Variants in A1BG observed in about 807,000 individuals in gnomAD.
The protein encoded by A1BG is alpha-1B-glycoprotein.
In A1BG, 44 loss-of-function variants were observed where a neutral mutation model predicts 46.0. That is an observed-to-expected ratio of 0.96 (90% confidence interval 0.75 to 1.23). The LOEUF (loss-of-function observed/expected upper bound fraction) is 1.23. Among genes scored for constraint, A1BG ranks in the 50% most tolerant of loss-of-function variants. A1BG has a pLI of 0.00. For missense variants in A1BG, 707 were observed against 688.8 expected (o/e 1.03, Z -0.30); for synonymous variants, 316 against 314.7 (o/e 1.00, Z -0.04).
chr19:58,346,975 C>T lies in A1BG; in HGVS notation c.*47G>A, dbSNP rs1417846384. On this transcript the variant is annotated 3_prime_UTR_variant, in exon 8 of 8. Transcript: ENST00000263100. ...GAGGGGAGGGAGCCAGTCCAGAATC[C>T]CCGGCACTTCTGAGGACACCAACAG... 2 of 1,612,366 alleles carry T rather than the reference C, an allele frequency of 1.2e-6. No homozygotes were observed. Among genetic ancestry groups the T allele is most frequent in the Non-Finnish European group, 1.7e-6 (2 of 1,178,466 alleles).
chr19:58,352,242 C>T (rs1206483856), intron 4 of A1BG, 41 bp downstream of exon 4: 18 of 1,602,488 alleles, frequency 1.1e-5, no homozygotes, highest in Admixed American at 8.4e-5. Flanking sequence ...CCCCTGTATC[C>T]TCCTCCCCCA....
intron 6 of A1BG, among the ~76,000 whole-genome samples, chr19:58,348,040 A>G (rs948265217): frequency 3.9e-5 from 6 of 152,254 alleles, no homozygotes; most frequent in African/African-American, 1.2e-4. Flanking sequence ...TTTTCCCTCC[A>G]TAAGTTTAAC....
Position 58,347,587 on chromosome 19 carries a change from C to G in A1BG, c.1246G>C (p.Gly416Arg), listed in dbSNP as rs761742979. 1.1e-5 allele frequency: 16 copies of G among 1,512,070 alleles called. No individual in the cohort carries two copies. In the East Asian group the frequency reaches 4.0e-4, roughly 37 times the overall value. The allele number at this position is 1,512,070 out of a possible 1,614,324, so 93.7% of individuals were successfully genotyped here. The change falls in exon 7 of 8, where the codon GGC becomes CGC. Residue 416 changes from glycine to arginine, a missense_variant. Coordinates refer to ENST00000263100, the MANE Select transcript of A1BG (RefSeq NM_130786.4). The stretch of plus-strand genomic sequence containing the variant: ...TCGCAGCGCAGGACGGCATCTCGGC[C>G]CGCCAGGACCGCCCCACTCCACGTC... Reference protein sequence around the residue: ...RATWSGAVLAGRDAVLRCEGP... With the variant: ...RATWSGAVLARRDAVLRCEGP...
rs1202293049 is a variant in A1BG, at chr19:58,353,138, T to C, written c.130A>G (p.Asn44Asp). The C allele has an allele frequency of 6.2e-7, 1 of 1,614,136 alleles. No individual in the cohort carries two copies. Among genetic ancestry groups the C allele is most frequent in the Non-Finnish European group, 8.5e-7 (1 of 1,180,018 alleles). ...TGGGCCTGGCACGTCAGCGTCACAT[T>C]GGCCAAGGGTTTCAGCAGTGATTCG... ...ESESLLKPLANVTLTCQAHLE... is the reference protein window; with the variant it reads ...ESESLLKPLADVTLTCQAHLE... Residue 44 changes from asparagine (N) to aspartate (D), a missense_variant, in exon 3 of 8, where the codon AAT becomes GAT. By Grantham distance (23) the Asn-to-Asp change is conservative. Coordinates refer to ENST00000263100, the MANE Select transcript of A1BG (RefSeq NM_130786.4).
intron 7 of A1BG, 115 bp downstream of exon 7, chr19:58,347,238 A>C (rs1181201383): frequency 9.0e-6 from 12 of 1,338,758 alleles, no homozygotes; most frequent in Middle Eastern, 2.1e-4. Context: ...GGGGAGACCC[A>C]GCGCTAACCA....
intron 3 of A1BG, 144 bp from the exon 4 acceptor site, chr19:58,352,699 G>GA: frequency 8.2e-7 from 1 of 1,225,956 alleles, no homozygotes; most frequent in South Asian, 1.4e-5. Flanking sequence ...GGCACCAGTG[G>GA]AAACAAGGCA....
rs770203307 is a variant in A1BG, at chr19:58,353,059, A to C, written c.209T>G (p.Val70Gly). The change falls in exon 3 of 8, where the codon GTG becomes GGG. Residue 70 changes from valine (V) to glycine (G), a missense_variant. Coordinates refer to ENST00000263100, the MANE Select transcript of A1BG (RefSeq NM_130786.4). Reference sequence around the variant, plus strand: ...CTTGATGGCAGGTGAGTCAAGGTGCACAGGCTCCTGGGCCACCCCATTCTT... The same window carrying C: ...CTTGATGGCAGGTGAGTCAAGGTGCCCAGGCTCCTGGGCCACCCCATTCTT... ...LFKNGVAQEPVHLDSPAIKHQ... is the reference protein window; with the variant it reads ...LFKNGVAQEPGHLDSPAIKHQ... The C allele has an allele frequency of 6.2e-7, 1 of 1,614,160 alleles. No homozygotes were observed. The highest frequency in any genetic ancestry group is 8.5e-7 in the Non-Finnish European group (1 of 1,180,014).
In A1BG at chr19:58,347,508, G is replaced by A. The variant is rs2051922421; in HGVS notation, c.1325C>T (p.Ala442Val). ...CCCGGGGGTGCGGACCGTCTTCACG[G>A]CCTTCGTCTCGCCCTCGCGCAGCAG... ...FELLREGETKAVKTVRTPGAA... is the reference protein window; with the variant it reads ...FELLREGETKVVKTVRTPGAA... The change falls in exon 7 of 8, where the codon GCC becomes GTC. Residue 442 changes from alanine to valine, a missense_variant. Coordinates refer to ENST00000263100, the MANE Select transcript of A1BG (RefSeq NM_130786.4). The A allele has an allele frequency of 6.3e-7, 1 of 1,588,698 alleles. No individual in the cohort carries two copies. The highest frequency in any genetic ancestry group is 8.6e-7 in the Non-Finnish European group (1 of 1,166,626).
At chr19:58,350,207 G>T (rs1319581334) in intron 6 of A1BG, 163 bp downstream of exon 6, 21 of 934,172 alleles carry the variant, frequency 2.2e-5, no homozygotes, top group Admixed American at 3.1e-5. Context: ...GGCGTCCCCA[G>T]ACCCTCGACC....
chr19:58,347,668 C>T, intron 6 of A1BG, 28 bp from the exon 7 acceptor site: 1 of 1,374,274 alleles, frequency 7.3e-7, no homozygotes, highest in South Asian at 1.6e-5. Flanking sequence ...GTGGTCGGGC[C>T]AGGCCACGCC....
At position 58,353,114 on chromosome 19, in the gene A1BG, G is replaced by A. The variant is rs144181716; in HGVS notation, c.154C>T (p.His52Tyr). The A allele has an allele frequency of 7.6e-5, 123 of 1,613,920 alleles. No homozygotes were observed. The highest frequency in any genetic ancestry group is 9.9e-5 in the South Asian group (9 of 91,084). The change falls in exon 3 of 8, where the codon CAC (histidine) becomes TAC (tyrosine). Residue 52 changes from histidine (H) to tyrosine (Y), a missense_variant. Transcript: ENST00000263100. The stretch of plus-strand genomic sequence containing the variant: ...AGCTGGAAGTCTGGAGTCTCCAGGT[G>A]GGCCTGGCACGTCAGCGTCACATTG... Reference protein sequence around the residue: ...LANVTLTCQAHLETPDFQLFK... With the variant: ...LANVTLTCQAYLETPDFQLFK...
At chr19:58,351,367 C>T (rs756458167) in intron 5 of A1BG, 24 bp downstream of exon 5, 5 of 1,603,696 alleles carry the variant, frequency 3.1e-6, no homozygotes, top group Non-Finnish European at 8.5e-7. Context: ...AGCCGCGTCC[C>T]TGTCCCTGCT....
At chr19:58,353,250 C>CCG (rs1427557624) in intron 2 of A1BG, 42 bp downstream of exon 2, 2 of 1,613,754 alleles carry the variant, frequency 1.2e-6, no homozygotes, top group African/African-American at 1.3e-5. Context: ...GGCTCCCCCC[C>CCG]GGCCTGGGCC....
chr19:58,353,491 A>G lies in A1BG; in HGVS notation c.-54T>C. 6.6e-7 allele frequency: 1 copy of G among 1,517,230 alleles called. No individual in the cohort carries two copies. The highest frequency in any genetic ancestry group is 1.2e-5 in the South Asian group (1 of 83,914). The allele number at this position is 1,517,230 out of a possible 1,614,324, so 94.0% of individuals were successfully genotyped here. On this transcript the variant is annotated 5_prime_UTR_variant, in exon 1 of 8. Coordinates refer to ENST00000263100, the MANE Select transcript of A1BG (RefSeq NM_130786.4). ...GTGTCTGGGGTGAGCGTCTGCAGCA[A>G]TGAGGCCCCAAGGGAGGGCGGTGGG...
In A1BG at chr19:58,347,599, C is replaced by A; in HGVS notation, c.1234G>T (p.Ala412Ser). ...ACGGCATCTCGGCCCGCCAGGACCG[C>A]CCCACTCCACGTCGCCCGGAGCTGA... ...RPQLRATWSG[A>S]VLAGRDAVLR... Residue 412 changes from alanine to serine, a missense_variant, in exon 7 of 8, where the codon GCG (alanine) becomes TCG (serine). By Grantham distance (99) the Ala-to-Ser change is moderately conservative. Transcript: ENST00000263100. The A allele has an allele frequency of 6.7e-7, 1 of 1,498,982 alleles. No individual in the cohort carries two copies. The highest frequency in any genetic ancestry group is 8.9e-7 in the Non-Finnish European group (1 of 1,129,480). 92.9% of individuals were successfully genotyped at this position (1,498,982 alleles called of 1,614,324 possible). A position where few individuals can be genotyped will look rare whatever the true frequency, so the allele number is the denominator to read the frequency against.
chr19:58,352,888 A>C (rs1177341170), intron 3 of A1BG, 40 bp downstream of exon 3: 1 of 1,583,992 alleles, frequency 6.3e-7, no homozygotes, highest in African/African-American at 1.3e-5. Flanking sequence ...TCAACAACCT[A>C]CCCACTGCCT....
rs747606542 is a variant in A1BG, at chr19:58,352,981, C to A, written c.287G>T (p.Gly96Val). The change falls in exon 3 of 8, where the codon GGC (glycine) becomes GTC (valine). Residue 96 changes from glycine to valine, a missense_variant. Gly to Val is a moderately radical substitution (Grantham distance 109). Transcript: ENST00000263100. Reference protein sequence around the residue: ...DTQGRYRCRSGLSTGWTQLSK... With the variant: ...DTQGRYRCRSVLSTGWTQLSK... ...CAGCTGGGTCCATCCTGTGGACAAGCCCGAGCGGCAGCGGTAGCGGCCCTG... is the reference window on the plus strand; with the variant it reads ...CAGCTGGGTCCATCCTGTGGACAAGACCGAGCGGCAGCGGTAGCGGCCCTG... 22 of 1,613,860 alleles carry A rather than the reference C, an allele frequency of 1.4e-5. No homozygotes were observed. The highest frequency in any genetic ancestry group is 1.7e-5 in the Admixed American group (1 of 60,004).
intron 6 of A1BG, chr19:58,348,416 T>C (rs982390397): frequency 2.0e-5 from 3 of 152,212 alleles, no homozygotes; most frequent in Non-Finnish European, 2.9e-5. Flanking sequence ...AAGATTTTGG[T>C]AATGCTGTTG....
Position 58,350,539 on chromosome 19 carries a change from C to G in A1BG, c.1023G>C (p.Arg341Ser). 1 of 1,549,124 alleles carries G rather than the reference C, an allele frequency of 6.5e-7. No homozygotes were observed. Among genetic ancestry groups the G allele is most frequent in the Non-Finnish European group, 8.7e-7 (1 of 1,146,404 alleles). ...GGAAACGGTGCACGCGGCGCCCGCC[C>G]CTGTCCTCGCGCACCAGGGCGAAGC... ...GARFALVRED[R>S]GGRRVHRFQS... Residue 341 changes from arginine to serine, a missense_variant, in exon 6 of 8, where the codon AGG (arginine) becomes AGC (serine). Physicochemically the swap from Arg to Ser is moderately radical, Grantham distance 110. Coordinates refer to ENST00000263100, the MANE Select transcript of A1BG (RefSeq NM_130786.4).
Sources: gnomAD v4.1 joint callset for allele counts (sites outside exome capture counted in the v4.1 genomes callset) on GRCh38, gnomAD v4.1.1 for gene constraint, MANE v1.5 for transcripts, NCBI Gene and HGNC (gene_info 2026-07-23, HGNC 2026-07-21) for gene names.